Variants in AGPAT4 observed in about 807,000 individuals in gnomAD.
The protein encoded by AGPAT4 is 1-acyl-sn-glycerol-3-phosphate acyltransferase delta.
AGPAT4 carries 15 observed loss-of-function variants against 48.0 expected under a neutral mutation model. That is an observed-to-expected ratio of 0.31 (90% CI 0.21 to 0.48). The LOEUF (loss-of-function observed/expected upper bound fraction) is 0.48. AGPAT4 is among the 20% of genes least tolerant of loss of function. The pLI is 0.99. For synonymous variants in AGPAT4, 178 were observed against 198.7 expected, an observed-to-expected ratio of 0.90 and a Z score of 0.88; for missense variants, 314 against 482.5, an observed-to-expected ratio of 0.65 and a Z score of 3.27.
rs1428397639 is a variant in AGPAT4, at chr6:161,232,043, G to A, written c.171C>T (p.Ile57=). The A allele has an allele frequency of 1.2e-6, 2 of 1,613,820 alleles. No homozygotes were observed. Among genetic ancestry groups the A allele is most frequent in the Non-Finnish European group, 1.7e-6 (2 of 1,179,834 alleles). ...RKINCRLSYC[I]SSQLVMLLEW... is the part of the protein sequence containing the mutation. ...GAATCTTAAGTATCTTACGGCTTGA[G>A]ATGCAATAGGACAGTCTGCAGTTGA... Residue 57 remains isoleucine, a synonymous_variant, in exon 2 of 9, where the codon ATC becomes ATT. Transcript: ENST00000320285. This position sits in a 1 kb window ranked among gnomAD's most constrained non-coding sequence, Gnocchi z 6.8.
At position 161,226,594 on chromosome 6, in the gene AGPAT4, G is replaced by A. The variant is rs570734228; in HGVS notation, c.178+5442C>T. Among the ~76,000 whole-genome samples, 10 of 152,318 alleles carry A rather than the reference G, an allele frequency of 6.6e-5. 1 individual carries two copies. In the East Asian group the frequency reaches 1.7e-3, roughly 26 times the overall value. On this transcript the variant is annotated intron_variant, in intron 2 of 8. Transcript: ENST00000320285. This position sits in a 1 kb window ranked among gnomAD's most constrained non-coding sequence, Gnocchi z 6.3. The stretch of plus-strand genomic sequence containing the variant: ...AGTTGACAAACATCAGGAAGCTGCC[G>A]CCCTCCATCTTCTCTCACTTCTCAG...
At position 161,264,345 on chromosome 6, in the gene AGPAT4, T is replaced by C. The variant is rs1783186103; in HGVS notation, c.-90+9593A>G. ...CTTCCTGCCACGCCAGCCCACCTCA[T>C]TCCTCTGTGGTCTAGGAAAACTCCA... On this transcript the variant is annotated intron_variant, in intron 1 of 8. Transcript: ENST00000320285. This position sits in a 1 kb window ranked among gnomAD's most constrained non-coding sequence, Gnocchi z 6.8. Among the ~76,000 whole-genome samples the C allele has an allele frequency of 1.3e-5, 2 of 152,062 alleles. No individual in the cohort carries two copies. Among genetic ancestry groups the C allele is most frequent in the South Asian group, 4.1e-4 (2 of 4,828 alleles).
intron 5 of AGPAT4, among the ~76,000 whole-genome samples, chr6:161,152,432 T>C (rs1779618304): frequency 6.6e-6 from 1 of 152,048 alleles, no homozygotes; most frequent in Non-Finnish European, 1.5e-5. Flanking sequence ...ACCCAGGGCC[T>C]TCAACCACCG....
At position 161,236,795 on chromosome 6, in the gene AGPAT4, G is replaced by A. The variant is rs1336903806; in HGVS notation, c.-89-4493C>T. ...TGGGTGTCTGTAATCCCAGCTACTC[G>A]GGAGGCTGAGGCAGGCGAATCACTT... On this transcript the variant is annotated intron_variant, in intron 1 of 8. Coordinates refer to ENST00000320285, the MANE Select transcript of AGPAT4 (RefSeq NM_020133.3). This position sits in a 1 kb window ranked among gnomAD's most constrained non-coding sequence, Gnocchi z 5.0. 2.6e-5 allele frequency among the ~76,000 whole-genome samples: 4 copies of A among 151,838 alleles called. No homozygotes were observed. Among genetic ancestry groups the A allele is most frequent in the Admixed American group, 6.6e-5 (1 of 15,244 alleles).
intron 1 of AGPAT4, among the ~76,000 whole-genome samples, chr6:161,257,000 G>A (rs1253961346): frequency 1.3e-5 from 2 of 152,214 alleles, no homozygotes; most frequent in East Asian, 3.9e-4. Flanking sequence ...TAGCCAGTGG[G>A]CGTGGAGGCA....
intron 1 of AGPAT4, among the ~76,000 whole-genome samples, chr6:161,252,421 T>C (rs1202158948): frequency 6.6e-6 from 1 of 152,192 alleles, no homozygotes; most frequent in Non-Finnish European, 1.5e-5. Context: ...GTCAAATATA[T>C]TATAAATGAA....
rs1778947767 is a variant in AGPAT4, at chr6:161,132,885, G to A, written c.*3655C>T. On this transcript the variant is annotated 3_prime_UTR_variant, in exon 9 of 9. Coordinates refer to ENST00000320285, the MANE Select transcript of AGPAT4 (RefSeq NM_020133.3). Reference sequence around the variant, plus strand: ...GTCAGCTACAGACACAGGCGGGTTAGGGCCCGTCTTGCTTTCATGTTCTTT... The same window carrying A: ...GTCAGCTACAGACACAGGCGGGTTAAGGCCCGTCTTGCTTTCATGTTCTTT... 1 of 152,236 alleles carries A rather than the reference G, an allele frequency of 6.6e-6. No individual in the cohort carries two copies. The highest frequency in any genetic ancestry group is 1.5e-5 in the Non-Finnish European group (1 of 68,068). The allele number at this position is 152,236 out of a possible 1,614,324, so 9.4% of individuals were successfully genotyped here.
rs10658657 is a variant in AGPAT4, at chr6:161,231,058, T to TTTTA, written c.178+974_178+977dup. 0.49 allele frequency among the ~76,000 whole-genome samples: 73,878 copies of TTTTA among 151,720 alleles called. 19,890 individuals carry two copies. The highest frequency in any genetic ancestry group is 0.72 in the African/African-American group (29,697 of 41,302). On this transcript the variant is annotated intron_variant, in intron 2 of 8. Transcript: ENST00000320285. This position sits in a 1 kb window ranked among gnomAD's most constrained non-coding sequence, Gnocchi z 5.3. ...CTTGATTCAAATTCAAATTTGATCA[T>TTTTA]TTTAAAGGGTATCAAAAATATATCA...
rs2115031076 is a variant in AGPAT4 at position 161,225,625 on chromosome 6, T to C, written c.178+6411A>G. Among the ~76,000 whole-genome samples the C allele has an allele frequency of 6.6e-6, 1 of 152,216 alleles. No homozygotes were observed. The highest frequency in any genetic ancestry group is 2.1e-4 in the South Asian group (1 of 4,816). On this transcript the variant is annotated intron_variant, in intron 2 of 8. Transcript: ENST00000320285. The surrounding 1 kb of genome is among the most constrained non-coding windows in gnomAD (Gnocchi z 5.0). Reference sequence around the variant, plus strand: ...TTCTGGAAGCAACCCCGCTAGCCCATCACTGGTGGAAGCAGAGGGATCTCG... The same window carrying C: ...TTCTGGAAGCAACCCCGCTAGCCCACCACTGGTGGAAGCAGAGGGATCTCG...
chr6:161,153,147 C>A (rs922129023), intron 5 of AGPAT4, among the ~76,000 whole-genome samples, 199 bp downstream of exon 5: 7 of 152,208 alleles, frequency 4.6e-5, no homozygotes, highest in African/African-American at 1.7e-4. Flanking sequence ...CACAGGCCCA[C>A]CCTGAGTGCC....
chr6:161,236,727 T>A lies in AGPAT4; in HGVS notation c.-89-4425A>T, dbSNP rs9295144. Among the ~76,000 whole-genome samples the A allele has an allele frequency of 0.19, 28,174 of 149,414 alleles. 2,958 individuals are homozygous for A. The highest frequency in any genetic ancestry group is 0.24 in the Non-Finnish European group (16,250 of 67,492). ...GAAACCAGCCTGGTGAAACCCCATCTCCACTAAAAATACAAAAAAAAAAAA... is the reference window on the plus strand; with the variant it reads ...GAAACCAGCCTGGTGAAACCCCATCACCACTAAAAATACAAAAAAAAAAAA... On this transcript the variant is annotated intron_variant, in intron 1 of 8. Transcript: ENST00000320285. The surrounding 1 kb of genome is among the most constrained non-coding windows in gnomAD (Gnocchi z 5.0).
chr6:161,223,223 C>G lies in AGPAT4; in HGVS notation c.178+8813G>C, dbSNP rs74362193. The stretch of plus-strand genomic sequence containing the variant: ...TCCAGGTGCTGACCCCAGTGCCTGG[C>G]CCCCTGGACTGAGCTTGGGTGCACG... On this transcript the variant is annotated intron_variant, in intron 2 of 8. Transcript: ENST00000320285. This position sits in a 1 kb window ranked among gnomAD's most constrained non-coding sequence, Gnocchi z 6.3. 0.048 allele frequency among the ~76,000 whole-genome samples: 7,346 copies of G among 152,232 alleles called. 567 individuals are homozygous for G. The highest frequency in any genetic ancestry group is 0.16 in the African/African-American group (6,756 of 41,488).
At position 161,226,603 on chromosome 6, in the gene AGPAT4, C is replaced by A. The variant is rs1290488503; in HGVS notation, c.178+5433G>T. Reference sequence around the variant, plus strand: ...ACATCAGGAAGCTGCCGCCCTCCATCTTCTCTCACTTCTCAGAGAGTCAGA... The same window carrying A: ...ACATCAGGAAGCTGCCGCCCTCCATATTCTCTCACTTCTCAGAGAGTCAGA... On this transcript the variant is annotated intron_variant, in intron 2 of 8. Transcript: ENST00000320285. This position sits in a 1 kb window ranked among gnomAD's most constrained non-coding sequence, Gnocchi z 6.3. Among the ~76,000 whole-genome samples, 1 of 152,236 alleles carries A rather than the reference C, an allele frequency of 6.6e-6. No homozygotes were observed. Among genetic ancestry groups the A allele is most frequent in the Non-Finnish European group, 1.5e-5 (1 of 68,040 alleles).
At chr6:161,268,136 C>T (rs1783318026) in intron 1 of AGPAT4, among the ~76,000 whole-genome samples, 1 of 152,140 alleles carries the variant, frequency 6.6e-6, no homozygotes. Context: ...AGAGTTTTCA[C>T]ACACTAGCTT....
rs1779327055 is a variant in AGPAT4, at chr6:161,143,629, G to A, written c.843+2895C>T. 6.6e-6 allele frequency among the ~76,000 whole-genome samples: 1 copy of A among 152,154 alleles called. No individual in the cohort carries two copies. Among genetic ancestry groups the A allele is most frequent in the African/African-American group, 2.4e-5 (1 of 41,420 alleles). On this transcript the variant is annotated intron_variant, in intron 7 of 8. Transcript: ENST00000320285. This position sits in a 1 kb window ranked among gnomAD's most constrained non-coding sequence, Gnocchi z 4.7. ...TTTTGTCCACAGAAGATCACACAAG[G>A]GCATGAATGGTTTCTCAAAGCCTTC...
rs1779014828 is a variant in AGPAT4 at position 161,134,860 on chromosome 6, G to C, written c.*1680C>G. On this transcript the variant is annotated 3_prime_UTR_variant, in exon 9 of 9. Coordinates refer to ENST00000320285, the MANE Select transcript of AGPAT4 (RefSeq NM_020133.3). ...TGCCCTGTGCAGGGTGGGCAGATGT[G>C]CTGGGCGCTCCCATCAAGCCTGCCT... 1 of 152,258 alleles carries C rather than the reference G, an allele frequency of 6.6e-6. No homozygotes were observed. The highest frequency in any genetic ancestry group is 1.5e-5 in the Non-Finnish European group (1 of 68,088). 9.4% of individuals were successfully genotyped at this position (152,258 alleles called of 1,614,324 possible). A position where few individuals can be genotyped will look rare whatever the true frequency, so the allele number is the denominator to read the frequency against.
rs1237395713 is a variant in AGPAT4, at chr6:161,226,754, G to T, written c.178+5282C>A. Among the ~76,000 whole-genome samples the T allele has an allele frequency of 1.3e-5, 2 of 152,178 alleles. No individual in the cohort carries two copies. The highest frequency in any genetic ancestry group is 3.9e-4 in the East Asian group (2 of 5,174). ...CCACAGAGAGGTTACCATAGAGGAGGCTCCTGAGAGGCCACCTTGCCTTCC... is the reference window on the plus strand; with the variant it reads ...CCACAGAGAGGTTACCATAGAGGAGTCTCCTGAGAGGCCACCTTGCCTTCC... On this transcript the variant is annotated intron_variant, in intron 2 of 8. Coordinates refer to ENST00000320285, the MANE Select transcript of AGPAT4 (RefSeq NM_020133.3). The surrounding 1 kb of genome is among the most constrained non-coding windows in gnomAD (Gnocchi z 6.3).
chr6:161,209,769 C>T (rs138776720), intron 2 of AGPAT4, among the ~76,000 whole-genome samples: 1 of 152,196 alleles, frequency 6.6e-6, no homozygotes, highest in Non-Finnish European at 1.5e-5. Flanking sequence ...GTTCAACCGA[C>T]GTTTGTTGAA....
chr6:161,203,950 C>T (rs189316068), intron 2 of AGPAT4, among the ~76,000 whole-genome samples: 37 of 152,268 alleles, frequency 2.4e-4, no homozygotes, highest in Non-Finnish European at 3.7e-4. Context: ...CTTTATGATG[C>T]TACACAGACT....
Sources: allele counts gnomAD v4.1 joint callset (sites outside exome capture counted in the v4.1 genomes callset), GRCh38; gene constraint gnomAD v4.1.1; non-coding constraint Gnocchi (gnomAD v3.1); transcripts MANE v1.5; gene names NCBI Gene and HGNC (gene_info 2026-07-23, HGNC 2026-07-21).